Variants in SMOC1 observed in about 807,000 individuals in gnomAD.
SMOC1 encodes SPARC-related modular calcium-binding protein 1.
In SMOC1, 22 loss-of-function variants were observed where a neutral mutation model predicts 56.3. The ratio of observed to expected loss-of-function variants is 0.39; its 90% CI spans 0.28 to 0.56. The LOEUF is 0.56. Among genes scored for constraint, SMOC1 ranks in the 20% least tolerant of loss-of-function variants. The probability of loss-of-function intolerance (pLI) is 0.61; values close to 1 mark genes in which losing one functional copy is unlikely to be tolerated. For synonymous variants in SMOC1, 193 were observed against 215.0 expected (o/e 0.90, Z 0.89); for missense variants, 509 against 565.4 (o/e 0.90, Z 1.01).
At chr14:69,914,868 T>TCATTCATTCATTCATTCATTCATTCATC (rs1884644750) in intron 1 of SMOC1, among the ~76,000 whole-genome samples, 1 of 145,616 alleles carries the variant, frequency 6.9e-6, no homozygotes, top group Non-Finnish European at 1.5e-5. Flanking sequence ...TTTATTTTAT[T>TCATTCATTCATTCATTCATTCATTCATC]CATTCATTCA....
At chr14:70,014,278 G>A (rs1885434132) in intron 10 of SMOC1, among the ~76,000 whole-genome samples, 2 of 152,220 alleles carry the variant, frequency 1.3e-5, no homozygotes, top group South Asian at 4.1e-4. Flanking sequence ...GTGAGTGCTA[G>A]GACAGAGGTG....
chr14:69,931,296 C>A (rs1481629235), intron 1 of SMOC1, among the ~76,000 whole-genome samples: 1 of 152,224 alleles, frequency 6.6e-6, no homozygotes, highest in African/African-American at 2.4e-5. Context: ...TGTTATTTAT[C>A]CTTCAAGGGG....
chr14:69,996,029 C>T (rs1884749378), intron 7 of SMOC1, among the ~76,000 whole-genome samples: 1 of 152,130 alleles, frequency 6.6e-6, no homozygotes, highest in Non-Finnish European at 1.5e-5. Flanking sequence ...CTGCAAGACC[C>T]CCATGAGTTA....
At chr14:70,029,887 C>T (rs1024422108) in intron 11 of SMOC1, among the ~76,000 whole-genome samples, 1 of 152,212 alleles carries the variant, frequency 6.6e-6, no homozygotes, top group African/African-American at 2.4e-5. Flanking sequence ...CGTTTCCACC[C>T]CAGCCCCAGG....
At chr14:70,000,580 G>A (rs1884932267) in intron 7 of SMOC1, among the ~76,000 whole-genome samples, 1 of 152,244 alleles carries the variant, frequency 6.6e-6, no homozygotes, top group Non-Finnish European at 1.5e-5. Flanking sequence ...GTGCGAGTCA[G>A]TGATGCCTTG....
At chr14:69,951,821 G>C (rs978453789) in intron 1 of SMOC1, among the ~76,000 whole-genome samples, 6 of 152,164 alleles carry the variant, frequency 3.9e-5, no homozygotes, top group Non-Finnish European at 1.5e-5. Context: ...ACGTCTCTGG[G>C]CTTCAGTTTC....
intron 7 of SMOC1, among the ~76,000 whole-genome samples, chr14:70,005,685 T>C (rs1165967506): frequency 6.6e-6 from 1 of 152,238 alleles, no homozygotes; most frequent in African/African-American, 2.4e-5. Flanking sequence ...AGTGAAACTT[T>C]AACCACTCAT....
At chr14:69,985,264 G>A (rs956409444) in intron 5 of SMOC1, among the ~76,000 whole-genome samples, 1 of 152,240 alleles carries the variant, frequency 6.6e-6, no homozygotes, top group African/African-American at 2.4e-5. Context: ...TGAGGCTGCC[G>A]AGAAACTGGA....
rs142537983 is a variant in SMOC1, at chr14:69,893,909, A to T, written c.99+14132A>T. 4.6e-5 allele frequency among the ~76,000 whole-genome samples: 7 copies of T among 152,292 alleles called. No individual in the cohort carries two copies. In the East Asian group the frequency reaches 1.2e-3, roughly 25 times the overall value. ...GTCTGACTGGTGCCCGAATAAGAAG[A>T]AGAGATTAGAACACAGAGAAAAACT... On this transcript the variant is annotated intron_variant, in intron 1 of 11. Coordinates refer to ENST00000361956, the MANE Select transcript of SMOC1 (RefSeq NM_001034852.3).
chr14:70,029,883 C>T (rs1488596066), intron 11 of SMOC1, among the ~76,000 whole-genome samples: 1 of 152,186 alleles, frequency 6.6e-6, no homozygotes, highest in Non-Finnish European at 1.5e-5. Flanking sequence ...CTGTCGTTTC[C>T]ACCCCAGCCC....
intron 1 of SMOC1, among the ~76,000 whole-genome samples, chr14:69,885,036 CACA>C (rs779631992): frequency 8.5e-5 from 13 of 152,114 alleles, no homozygotes; most frequent in African/African-American, 2.9e-4. Flanking sequence ...TAGACATTTT[CACA>C]ACATTTGCTC....
chr14:69,879,823 G>T (rs1255812261), intron 1 of SMOC1, 46 bp downstream of exon 1: 1 of 1,499,504 alleles, frequency 6.7e-7, no homozygotes, highest in Non-Finnish European at 8.9e-7. Flanking sequence ...GGGAGGGGAG[G>T]TTGCTTCCCC....
chr14:70,025,566 C>T lies in SMOC1; in HGVS notation c.1291+2119C>T, dbSNP rs141063566. Among the ~76,000 whole-genome samples the T allele has an allele frequency of 5.5e-4, 83 of 152,274 alleles. No individual in the cohort carries two copies. In the East Asian group the frequency reaches 7.0e-3, roughly 13 times the overall value. The stretch of plus-strand genomic sequence containing the variant: ...TCAAACCCTGCCTCTGTCCCGGCCT[C>T]GCTCTTTCACTACATGCGGCTTGAG... On this transcript the variant is annotated intron_variant, in intron 11 of 11. Coordinates refer to ENST00000361956, the MANE Select transcript of SMOC1 (RefSeq NM_001034852.3).
intron 1 of SMOC1, among the ~76,000 whole-genome samples, chr14:69,886,666 C>A (rs1424160042): frequency 1.3e-5 from 2 of 152,164 alleles, no homozygotes; most frequent in Non-Finnish European, 2.9e-5. Context: ...TAAACTGTTT[C>A]CTTCCATTTG....
chr14:70,011,060 A>G (rs950453182), intron 8 of SMOC1, 114 bp downstream of exon 8: 53 of 1,186,020 alleles, frequency 4.5e-5, no homozygotes, highest in Non-Finnish European at 6.3e-5. Flanking sequence ...TGGGAGAGCC[A>G]TGTTTTCAAT....
chr14:69,951,015 C>A (rs996979897), intron 1 of SMOC1, among the ~76,000 whole-genome samples: 1 of 152,156 alleles, frequency 6.6e-6, no homozygotes, highest in Non-Finnish European at 1.5e-5. Context: ...AATTAGATGA[C>A]AGCTGGGACT....
chr14:69,979,999 C>A (rs1035338797), intron 5 of SMOC1, among the ~76,000 whole-genome samples: 2 of 152,216 alleles, frequency 1.3e-5, no homozygotes, highest in African/African-American at 4.8e-5. Flanking sequence ...TGGCTTTGCA[C>A]CCTGTGGACA....
chr14:69,925,987 C>G (rs927969773), intron 1 of SMOC1, among the ~76,000 whole-genome samples: 1 of 152,100 alleles, frequency 6.6e-6, no homozygotes, highest in Admixed American at 6.5e-5. Flanking sequence ...GAGACTTACT[C>G]AGCTCCCCTC....
intron 3 of SMOC1, among the ~76,000 whole-genome samples, chr14:69,973,492 C>T (rs892409166): frequency 5.9e-5 from 9 of 152,146 alleles, no homozygotes; most frequent in African/African-American, 9.7e-5. Context: ...GTAGTGTTGA[C>T]GTGACCCCAA....
Sources: gnomAD v4.1 joint callset for allele counts (sites outside exome capture counted in the v4.1 genomes callset) on GRCh38, gnomAD v4.1.1 for gene constraint, MANE v1.5 for transcripts, NCBI Gene and HGNC (gene_info 2026-07-23, HGNC 2026-07-21) for gene names.